GABRG3: variants seen among roughly 807,000 people sequenced by gnomAD.
GABRG3 encodes the protein gamma-aminobutyric acid type A receptor subunit gamma3.
GABRG3 carries 25 observed loss-of-function variants against 48.8 expected under a neutral mutation model. That is an observed-to-expected ratio of 0.51 (90% CI 0.37 to 0.72). The LOEUF (loss-of-function observed/expected upper bound fraction) is 0.72. Ranked by LOEUF, GABRG3 falls within the 30% of genes least tolerant of loss-of-function variation. GABRG3 has a pLI of 0.00. For missense variants in GABRG3, 394 were observed against 577.9 expected, an observed-to-expected ratio of 0.68 and a Z score of 3.26; for synonymous variants, 227 against 217.6, an observed-to-expected ratio of 1.04 and a Z score of -0.38.
chr15:27,275,611 G>A (rs1052491847), intron 3 of GABRG3, among the ~76,000 whole-genome samples: 6 of 152,150 alleles, frequency 3.9e-5, no homozygotes, highest in Non-Finnish European at 7.3e-5. Context: ...AGACTGGACT[G>A]AATTTCTGAT....
rs1894896048 is a variant in GABRG3, at chr15:26,974,238, T to TG, written c.53+2652dup. On this transcript the variant is annotated intron_variant, in intron 1 of 9. Transcript: ENST00000615808. The surrounding 1 kb of genome is among the most constrained non-coding windows in gnomAD (Gnocchi z 4.3). ...GAGAACGTTCCTGCTTTCTTTTTCTTGGTCCCCCTCACTGCCACCTGTCCT... is the reference window on the plus strand; with the variant it reads ...GAGAACGTTCCTGCTTTCTTTTTCTTGGGTCCCCCTCACTGCCACCTGTCCT... Among the ~76,000 whole-genome samples, 2 of 152,174 alleles carry TG rather than the reference T, an allele frequency of 1.3e-5. No individual in the cohort carries two copies. Among genetic ancestry groups the TG allele is most frequent in the African/African-American group, 4.8e-5 (2 of 41,440 alleles).
At chr15:27,068,160 C>T (rs1328178307) in intron 3 of GABRG3, among the ~76,000 whole-genome samples, 6 of 152,244 alleles carry the variant, frequency 3.9e-5, no homozygotes, top group African/African-American at 1.4e-4. Context: ...GAGATCTGCT[C>T]ACAGGAAGGT....
At position 27,134,800 on chromosome 15, in the gene GABRG3, C is replaced by T. The variant is rs189997669; in HGVS notation, c.270+107979C>T. On this transcript the variant is annotated intron_variant, in intron 3 of 9. Transcript: ENST00000615808. ...GCATTGTGGAATTGAATACTCTTTCCAAAGCAGATGATATTATGAAAGAAC... is the reference window on the plus strand; with the variant it reads ...GCATTGTGGAATTGAATACTCTTTCTAAAGCAGATGATATTATGAAAGAAC... 4.2e-3 allele frequency among the ~76,000 whole-genome samples: 647 copies of T among 152,274 alleles called. 3 individuals carry two copies. Among genetic ancestry groups the T allele is most frequent in the Non-Finnish European group, 7.1e-3 (481 of 68,018 alleles).
chr15:27,498,348 T>C (rs1190747985), intron 6 of GABRG3, among the ~76,000 whole-genome samples: 1 of 152,186 alleles, frequency 6.6e-6, no homozygotes, highest in Non-Finnish European at 1.5e-5. Flanking sequence ...CTAAATTATT[T>C]GTTTCTTTCT....
At chr15:27,229,999 AT>A (rs753459950) in intron 3 of GABRG3, among the ~76,000 whole-genome samples, 1 of 152,182 alleles carries the variant, frequency 6.6e-6, no homozygotes, top group Non-Finnish European at 1.5e-5. Flanking sequence ...CAGTATGGAC[AT>A]TTTAATATTG....
chr15:27,425,371 G>A (rs534801798), intron 5 of GABRG3, among the ~76,000 whole-genome samples: 16 of 151,508 alleles, frequency 1.1e-4, no homozygotes, highest in Admixed American at 3.9e-4. Flanking sequence ...CTGGGAGGCC[G>A]AGGCAGGCGG....
intron 3 of GABRG3, among the ~76,000 whole-genome samples, chr15:27,298,292 T>A (rs1398615310): frequency 6.6e-6 from 1 of 151,990 alleles, no homozygotes; most frequent in African/African-American, 2.4e-5. Flanking sequence ...AACCAGAGAG[T>A]ATCTGAAGCA....
intron 5 of GABRG3, among the ~76,000 whole-genome samples, chr15:27,400,650 C>T (rs1595730139): frequency 6.6e-6 from 1 of 152,192 alleles, no homozygotes; most frequent in Non-Finnish European, 1.5e-5. Context: ...TTATTCCTCA[C>T]CACTAGATGA....
chr15:27,099,381 T>C (rs1897318412), intron 3 of GABRG3, among the ~76,000 whole-genome samples: 1 of 152,154 alleles, frequency 6.6e-6, no homozygotes, highest in African/African-American at 2.4e-5. Context: ...TTCCGAGGCC[T>C]CTCTCCTTGG....
chr15:26,999,443 G>T (rs1031965043), intron 2 of GABRG3, among the ~76,000 whole-genome samples: 3 of 152,174 alleles, frequency 2.0e-5, no homozygotes, highest in South Asian at 4.1e-4. Context: ...CACCTGCATT[G>T]TTTCTGATGA....
At chr15:27,512,454 C>T (rs945905018) in intron 6 of GABRG3, among the ~76,000 whole-genome samples, 1 of 152,142 alleles carries the variant, frequency 6.6e-6, no homozygotes, top group African/African-American at 2.4e-5. Flanking sequence ...CTGCTTGTTA[C>T]AGAGCAGGAG....
intron 3 of GABRG3, among the ~76,000 whole-genome samples, chr15:27,162,691 G>T (rs1273766922): frequency 6.6e-6 from 1 of 152,080 alleles, no homozygotes; most frequent in Non-Finnish European, 1.5e-5. Context: ...GACTGGGCCT[G>T]CTCCTTAGCA....
intron 3 of GABRG3, among the ~76,000 whole-genome samples, chr15:27,257,531 A>C (rs1462272768): frequency 6.6e-6 from 1 of 152,118 alleles, no homozygotes; most frequent in African/African-American, 2.4e-5. Flanking sequence ...AGTCTTTAAG[A>C]TATTTCTGAG....
chr15:27,489,706 A>C (rs1890303288), intron 6 of GABRG3, among the ~76,000 whole-genome samples: 1 of 151,990 alleles, frequency 6.6e-6, no homozygotes, highest in Non-Finnish European at 1.5e-5. Context: ...TCCTTCACCT[A>C]CTTTTTGATG....
intron 3 of GABRG3, among the ~76,000 whole-genome samples, chr15:27,194,695 C>T (rs1239955898): frequency 6.6e-6 from 1 of 151,966 alleles, no homozygotes; most frequent in Admixed American, 6.6e-5. Flanking sequence ...GATTTTTTAC[C>T]TTATTTTTCA....
chr15:27,496,764 C>G (rs2150851890), intron 6 of GABRG3, among the ~76,000 whole-genome samples: 1 of 152,272 alleles, frequency 6.6e-6, no homozygotes, highest in African/African-American at 2.4e-5. Flanking sequence ...GAGGCCAAGG[C>G]TGAGTCTGTA....
At chr15:27,493,005 A>G (rs535548600) in intron 6 of GABRG3, among the ~76,000 whole-genome samples, 1 of 152,368 alleles carries the variant, frequency 6.6e-6, no homozygotes, top group East Asian at 1.9e-4. Flanking sequence ...CACCAAGATA[A>G]AAAATACCCT....
chr15:27,324,446 G>T (rs1361445965), intron 3 of GABRG3, among the ~76,000 whole-genome samples: 1 of 152,218 alleles, frequency 6.6e-6, no homozygotes, highest in South Asian at 2.1e-4. Context: ...CTTTCCCTAG[G>T]GTGGGGCCCC....
At chr15:27,061,200 T>C (rs1216851125) in intron 3 of GABRG3, among the ~76,000 whole-genome samples, 2 of 152,228 alleles carry the variant, frequency 1.3e-5, no homozygotes, top group Non-Finnish European at 2.9e-5. Flanking sequence ...GTTGAGAGTT[T>C]ATTGTGTACT....
Sources: allele counts gnomAD v4.1 joint callset (sites outside exome capture counted in the v4.1 genomes callset), GRCh38; gene constraint gnomAD v4.1.1; non-coding constraint Gnocchi (gnomAD v3.1); transcripts MANE v1.5; gene names NCBI Gene and HGNC (gene_info 2026-07-23, HGNC 2026-07-21).